TRIP12: variants seen among roughly 807,000 people sequenced by gnomAD.
TRIP12 encodes thyroid hormone receptor interactor 12.
Under a neutral mutation model 244.2 loss-of-function variants are expected in TRIP12, and 25 were observed. The observed-to-expected ratio is 0.10, with a 90% CI of 0.07 to 0.14. The LOEUF (loss-of-function observed/expected upper bound fraction) is 0.14. TRIP12 is among the 10% of genes least tolerant of loss of function. The pLI, the probability that TRIP12 is intolerant of heterozygous loss-of-function variation, is 1.00. For missense variants in TRIP12, 1,677 were observed against 2,486.4 expected, an observed-to-expected ratio of 0.67 and a Z score of 6.92; for synonymous variants, 905 against 873.1, an observed-to-expected ratio of 1.04 and a Z score of -0.64.
At chr2:229,848,921 AAAAT>A (rs1295059339) in intron 4 of TRIP12, among the ~76,000 whole-genome samples, 2 of 152,240 alleles carry the variant, frequency 1.3e-5, no homozygotes, top group Non-Finnish European at 2.9e-5. Context: ...AAATTTTGAA[AAAAT>A]AAATTGTAAA....
intron 39 of TRIP12, 67 bp from the exon 40 acceptor site, chr2:229,769,392 G>A (rs1574662242): frequency 6.9e-7 from 1 of 1,457,118 alleles, no homozygotes; most frequent in Middle Eastern, 1.9e-4. Flanking sequence ...TGAAAATAAA[G>A]GTCTACGTGT....
chr2:229,770,016 G>A (rs546901313), intron 39 of TRIP12, among the ~76,000 whole-genome samples: 43 of 152,228 alleles, frequency 2.8e-4, no homozygotes, highest in Middle Eastern at 6.8e-3. Context: ...TGTTGCCCAG[G>A]CTGGAGTGTA....
chr2:229,778,730 C>T lies in TRIP12; in HGVS notation c.5210-143G>A. ...ATGAAGTCCTCTAGAACTGGACAGG[C>T]CTTCCCTATTTGATAAATGAGAAAA... is the stretch of plus-strand genomic sequence containing the variant. On this transcript the variant is annotated intron_variant, in intron 35 of 41. Transcript: ENST00000675903. The surrounding 1 kb of genome is among the most constrained non-coding windows in gnomAD (Gnocchi z 4.1). The T allele has an allele frequency of 7.5e-7, 1 of 1,338,612 alleles. No individual in the cohort carries two copies. The highest frequency in any genetic ancestry group is 1.0e-6 in the Non-Finnish European group (1 of 969,446). 82.9% of individuals were successfully genotyped at this position (1,338,612 alleles called of 1,614,324 possible). A position where few individuals can be genotyped will look rare whatever the true frequency, so the allele number is the denominator to read the frequency against.
chr2:229,808,717 A>G (rs952558596), intron 15 of TRIP12, among the ~76,000 whole-genome samples: 4 of 152,212 alleles, frequency 2.6e-5, no homozygotes, highest in Non-Finnish European at 5.9e-5. Context: ...CAAATCAAAT[A>G]TATTTATGTA....
At chr2:229,835,884 T>C (rs1559743966) in intron 6 of TRIP12, among the ~76,000 whole-genome samples, 1 of 152,130 alleles carries the variant, frequency 6.6e-6, no homozygotes, top group Non-Finnish European at 1.5e-5. Context: ...TTTCCAAATA[T>C]CTACCATTTA....
rs1242080653 is a variant in TRIP12, at chr2:229,767,686, T to G, written c.6072A>C (p.Pro2024=). The G allele has an allele frequency of 1.2e-6, 2 of 1,614,202 alleles. No individual in the cohort carries two copies. Among genetic ancestry groups the G allele is most frequent in the Non-Finnish European group, 1.7e-6 (2 of 1,180,020 alleles). The stretch of plus-strand genomic sequence containing the variant: ...TCATTACAGAGGGCAAGAAGTCATC[T>G]GGGTTTTCTGTTGATTCAAACGTCT... ...VRKTFESTEN[P]DDFLPSVMTC... The change falls in exon 42 of 42, where the codon CCA becomes CCC. Residue 2024 remains proline (P), a synonymous_variant. Transcript: ENST00000675903.
At chr2:229,886,454 TG>T (rs1241706140) in intron 1 of TRIP12, among the ~76,000 whole-genome samples, 1 of 151,516 alleles carries the variant, frequency 6.6e-6, no homozygotes. Context: ...TTATACAACA[TG>T]TAAAAATAGC....
In TRIP12 at chr2:229,828,771, A is replaced by T. The variant is rs578240141; in HGVS notation, c.1450+422T>A. On this transcript the variant is annotated intron_variant, in intron 8 of 41. Coordinates refer to ENST00000675903, the MANE Select transcript of TRIP12 (RefSeq NM_001348323.3). ...GACAGAGCAAGACTCCATCTCAAAA[A>T]AAATATATATATATAAAAAGTACAC... Among the ~76,000 whole-genome samples the T allele has an allele frequency of 9.5e-5, 14 of 147,288 alleles. 1 individual carries two copies. In the South Asian group the frequency reaches 1.0e-3, roughly 11 times the overall value.
intron 4 of TRIP12, among the ~76,000 whole-genome samples, chr2:229,856,042 A>G (rs944737426): frequency 5.2e-4 from 69 of 131,638 alleles, no homozygotes; most frequent in African/African-American, 1.0e-4. Context: ...TCTGTCTCAG[A>G]AAAAAAAAAA....
chr2:229,885,102 G>A (rs919579598), intron 1 of TRIP12, among the ~76,000 whole-genome samples: 7 of 152,044 alleles, frequency 4.6e-5, no homozygotes, highest in Admixed American at 3.9e-4. Context: ...TCTATGTTTG[G>A]ATATTTTTAG....
chr2:229,771,548 T>A lies in TRIP12; in HGVS notation c.5779A>T (p.Ser1927Cys). 1 of 1,614,050 alleles carries A rather than the reference T, an allele frequency of 6.2e-7. No homozygotes were observed. The highest frequency in any genetic ancestry group is 8.5e-7 in the Non-Finnish European group (1 of 1,179,904). ...RDGFESVFPL[S>C]HLQYFYPEEL... ...TCCGGGTAGAAGTACTGAAGATGAC[T>A]GAGTGGGAAGACTGATTCAAATCCA... Residue 1927 changes from serine to cysteine, a missense_variant, in exon 39 of 42, where the codon AGT becomes TGT. This residue lies in a region of TRIP12 where 171 missense variants were observed against 388.4 expected (regional missense o/e 0.44). Coordinates refer to ENST00000675903, the MANE Select transcript of TRIP12 (RefSeq NM_001348323.3).
rs527534796 is a variant in TRIP12, at chr2:229,816,510, A to G, written c.1600-1202T>C. Among the ~76,000 whole-genome samples the G allele has an allele frequency of 1.1e-4, 17 of 152,336 alleles. No homozygotes were observed. The East Asian group carries it at 3.1e-3, about 28-fold the overall frequency. Reference sequence around the variant, plus strand: ...ACCCTTTCACCAAAAATGGCTATTTATGTCACATGACTGTATTGTGATGAA... The same window carrying G: ...ACCCTTTCACCAAAAATGGCTATTTGTGTCACATGACTGTATTGTGATGAA... On this transcript the variant is annotated intron_variant, in intron 9 of 41. Coordinates refer to ENST00000675903, the MANE Select transcript of TRIP12 (RefSeq NM_001348323.3).
At chr2:229,797,977 C>A in intron 23 of TRIP12, 146 bp from the exon 24 acceptor site, 1 of 828,986 alleles carries the variant, frequency 1.2e-6, no homozygotes, top group Non-Finnish European at 1.8e-6. Context: ...ACCAAATTAA[C>A]TTTCACTTTG....
chr2:229,768,801 T>C (rs2032951883), intron 40 of TRIP12, 82 bp from the exon 41 acceptor site: 15 of 1,279,898 alleles, frequency 1.2e-5, no homozygotes, highest in Non-Finnish European at 1.6e-5. Flanking sequence ...TCACATGACA[T>C]AAAAATTAGA....
intron 9 of TRIP12, among the ~76,000 whole-genome samples, chr2:229,815,804 A>G (rs2048355489): frequency 6.6e-6 from 1 of 152,230 alleles, no homozygotes; most frequent in Non-Finnish European, 1.5e-5. Context: ...TAAAATGTAC[A>G]GTAATATAGA....
intron 25 of TRIP12, among the ~76,000 whole-genome samples, chr2:229,795,641 G>A (rs1177817504): frequency 1.3e-5 from 2 of 152,194 alleles, no homozygotes; most frequent in Non-Finnish European, 2.9e-5. Context: ...TCTGATTTTA[G>A]TAAGAATATT....
At chr2:229,887,084 T>TA (rs923750357) in intron 1 of TRIP12, among the ~76,000 whole-genome samples, 14 of 152,114 alleles carry the variant, frequency 9.2e-5, no homozygotes, top group Middle Eastern at 3.4e-3. Context: ...GTATTTACCT[T>TA]AAAAAAAATC....
chr2:229,904,280 TG>T (rs2071986810), intron 1 of TRIP12, among the ~76,000 whole-genome samples: 1 of 151,594 alleles, frequency 6.6e-6, no homozygotes, highest in Middle Eastern at 3.2e-3. Context: ...TAGCCAGCTA[TG>T]GTGGCGTGAG....
chr2:229,795,841 A>T (rs2042675704), intron 25 of TRIP12, among the ~76,000 whole-genome samples: 1 of 152,200 alleles, frequency 6.6e-6, no homozygotes, highest in African/African-American at 2.4e-5. Context: ...CTTCTAATGA[A>T]TCTCCAATAA....
Sources: gnomAD v4.1 joint callset for allele counts (sites outside exome capture counted in the v4.1 genomes callset) on GRCh38, gnomAD v4.1.1 for gene constraint, gnomAD v4.1.1 regional missense constraint, Gnocchi (gnomAD v3.1) non-coding constraint, MANE v1.5 for transcripts, NCBI Gene and HGNC (gene_info 2026-07-23, HGNC 2026-07-21) for gene names.